Variants in ANGEL1 observed in about 807,000 individuals in gnomAD.
ANGEL1 encodes the protein RNA 2',3'-cyclic phosphatase ANGEL1.
In ANGEL1, 62 loss-of-function variants were observed where a neutral mutation model predicts 76.4. The observed-to-expected ratio is 0.81, with a 90% CI of 0.66 to 1.00. The LOEUF is 1.00. Ranked by LOEUF, ANGEL1 falls within the 50% of genes least tolerant of loss-of-function variation. The pLI is 0.00. For synonymous variants in ANGEL1, 340 were observed against 331.7 expected, an observed-to-expected ratio of 1.03 and a Z score of -0.27; for missense variants, 737 against 836.7, an observed-to-expected ratio of 0.88 and a Z score of 1.47.
chr14:76,811,816 T>C (rs931615729), intron 1 of ANGEL1, among the ~76,000 whole-genome samples: 5 of 152,190 alleles, frequency 3.3e-5, no homozygotes, highest in Non-Finnish European at 4.4e-5. Flanking sequence ...CTCCTGAAGT[T>C]TGCATTCTAA....
chr14:76,797,554 C>T (rs1044403487), intron 7 of ANGEL1, among the ~76,000 whole-genome samples: 2 of 152,046 alleles, frequency 1.3e-5, no homozygotes, highest in Admixed American at 6.6e-5. Context: ...GAGCTGAGAT[C>T]GCGCCAATGC....
intron 2 of ANGEL1, 35 bp from the exon 3 acceptor site, chr14:76,808,183 T>A (rs1313707932): frequency 1.9e-6 from 3 of 1,580,796 alleles, no homozygotes; most frequent in Non-Finnish European, 2.6e-6. Context: ...CAATGGCAAG[T>A]ATGAGTAATG....
At chr14:76,796,646 A>G (rs963168888) in intron 7 of ANGEL1, among the ~76,000 whole-genome samples, 5 of 152,180 alleles carry the variant, frequency 3.3e-5, no homozygotes, top group African/African-American at 1.2e-4. Flanking sequence ...TTAAAAAGAA[A>G]ATGTCTTCTC....
At position 76,790,686 on chromosome 14, in the gene ANGEL1, T is replaced by C. The variant is rs145760412; in HGVS notation, c.1777A>G (p.Met593Val). ...PQRGRPEVTT[M>V]PLGLGMTVDY... ...ACTGTCATTCCAAGACCCAATGGCA[T>C]TGTAGTGACCTCTGGGCGGCCACGC... is the stretch of plus-strand genomic sequence containing the variant. Residue 593 changes from methionine (M) to valine (V), a missense_variant, in exon 9 of 10, where the codon ATG becomes GTG. Transcript: ENST00000251089. 5.6e-6 allele frequency: 9 copies of C among 1,614,038 alleles called. No individual in the cohort carries two copies. In the African/African-American group the frequency reaches 1.2e-4, roughly 22 times the overall value.
chr14:76,806,739 G>T lies in ANGEL1; in HGVS notation c.1057C>A (p.Arg353=). The change falls in exon 5 of 10, where the codon CGG becomes AGG. Residue 353 remains arginine (R), a synonymous_variant. Coordinates refer to ENST00000251089, the MANE Select transcript of ANGEL1 (RefSeq NM_015305.4). ...LLCASPVEYF[R]PGLELLNRDN... ...CGATTAAGTAGCTCCAAGCCAGGCC[G>T]GAAGTACTCCACAGGGCTAGCACAG... 1.2e-6 allele frequency: 2 copies of T among 1,614,148 alleles called. No individual in the cohort carries two copies. The highest frequency in any genetic ancestry group is 2.2e-5 in the South Asian group (2 of 91,080).
At position 76,808,111 on chromosome 14, in the gene ANGEL1, C is replaced by G. The variant is rs75566328; in HGVS notation, c.687G>C (p.Gln229His). 2.7e-4 allele frequency: 433 copies of G among 1,613,862 alleles called. 1 individual carries two copies. In the African/African-American group the frequency reaches 5.2e-3, roughly 20 times the overall value. The part of the protein sequence containing the change: ...LWREWEDFST[Q>H]PDAQGLKAGD... ...CTGCCTTCAGGCCCTGAGCATCTGG[C>G]TGGGTGGAGAAATCCTCCCATTCTC... Residue 229 changes from glutamine (Q) to histidine (H), a missense_variant, in exon 3 of 10, where the codon CAG becomes CAC. Coordinates refer to ENST00000251089, the MANE Select transcript of ANGEL1 (RefSeq NM_015305.4).
chr14:76,808,542 T>C (rs896589455), intron 2 of ANGEL1, among the ~76,000 whole-genome samples: 13 of 152,202 alleles, frequency 8.5e-5, no homozygotes, highest in African/African-American at 3.1e-4. Flanking sequence ...CCCCTAAACC[T>C]GGAAGAGTCT....
At position 76,803,582 on chromosome 14, in the gene ANGEL1, A is replaced by G. The variant is rs79597827; in HGVS notation, c.1508-101T>C. 2,821 of 1,354,466 alleles carry G rather than the reference A, an allele frequency of 2.1e-3. 40 individuals are homozygous for G. In the African/African-American group the frequency reaches 0.036, roughly 17 times the overall value. 83.9% of individuals were successfully genotyped at this position (1,354,466 alleles called of 1,614,324 possible). On this transcript the variant is annotated intron_variant, in intron 6 of 9. Transcript: ENST00000251089. ...ACTTCCAGCATAGGTACACAGAGGA[A>G]GCATTCAGAAGACAAGGAGATTTTC... is the stretch of plus-strand genomic sequence containing the variant.
rs1894262613 is a variant in ANGEL1 at position 76,786,372 on chromosome 14, G to A, written c.*2856C>T. 1 of 152,128 alleles carries A rather than the reference G, an allele frequency of 6.6e-6. No homozygotes were observed. The highest frequency in any genetic ancestry group is 1.5e-5 in the Non-Finnish European group (1 of 68,066). The allele number at this position is 152,128 out of a possible 1,614,324, so 9.4% of individuals were successfully genotyped here. A position where few individuals can be genotyped will look rare whatever the true frequency, so the allele number is the denominator to read the frequency against. On this transcript the variant is annotated 3_prime_UTR_variant, in exon 10 of 10. Coordinates refer to ENST00000251089, the MANE Select transcript of ANGEL1 (RefSeq NM_015305.4). ...AGACGGGATTTCTTCATGTTGGTCA[G>A]GCTGGTCTGGAACTCTCGACCTCAG...
intron 7 of ANGEL1, among the ~76,000 whole-genome samples, chr14:76,796,666 T>C (rs1894587841): frequency 6.6e-6 from 1 of 152,208 alleles, no homozygotes; most frequent in African/African-American, 2.4e-5. Context: ...CTGCTGTCAA[T>C]GTTCGGTGTT....
In ANGEL1 at chr14:76,803,772, T is replaced by G; in HGVS notation, c.1507+14A>C. ...ATGAAGACACAGCCAACCAAGAATG[T>G]GACATGTGCTCACCTGATCTCTTGG... is the stretch of plus-strand genomic sequence containing the variant. On this transcript the variant is annotated intron_variant, in intron 6 of 9. Transcript: ENST00000251089. The G allele has an allele frequency of 6.3e-7, 1 of 1,587,404 alleles. No individual in the cohort carries two copies. Among genetic ancestry groups the G allele is most frequent in the Non-Finnish European group, 8.6e-7 (1 of 1,165,434 alleles).
intron 1 of ANGEL1, 44 bp downstream of exon 1, chr14:76,812,720 G>A (rs1369991360): frequency 6.7e-7 from 1 of 1,486,148 alleles, no homozygotes; most frequent in Non-Finnish European, 8.9e-7. Flanking sequence ...CCGCAGAGGC[G>A]AGCCCTGGCC....
At chr14:76,812,500 C>T (rs918871818) in intron 1 of ANGEL1, 8 of 1,234,094 alleles carry the variant, frequency 6.5e-6, no homozygotes, top group Non-Finnish European at 8.1e-6. Flanking sequence ...TCCACAGCTC[C>T]TCTCCACCTT....
At chr14:76,789,515 C>A in intron 9 of ANGEL1, 127 bp from the exon 10 acceptor site, 2 of 1,001,688 alleles carry the variant, frequency 2.0e-6, no homozygotes. Flanking sequence ...CTGCCCCTCA[C>A]CTCCTCTTGC....
At chr14:76,803,944 A>C in intron 5 of ANGEL1, 32 bp from the exon 6 acceptor site, 1 of 1,614,204 alleles carries the variant, frequency 6.2e-7, no homozygotes, top group Non-Finnish European at 8.5e-7. Context: ...GGAATAAGGA[A>C]ACCAAGATAG....
rs1566699584 is a variant in ANGEL1 at position 76,803,469 on chromosome 14, T to C, written c.1520A>G (p.Tyr507Cys). The C allele has an allele frequency of 2.5e-6, 4 of 1,614,194 alleles. No homozygotes were observed. Among genetic ancestry groups the C allele is most frequent in the Non-Finnish European group, 3.4e-6 (4 of 1,180,010 alleles). The change falls in exon 7 of 10, where the codon TAT becomes TGT. Residue 507 changes from tyrosine to cysteine, a missense_variant. Tyr to Cys is a radical substitution (Grantham distance 194, BLOSUM62 -2). This residue lies in a region of ANGEL1 where 296 missense variants were observed against 387.2 expected (regional missense o/e 0.76). Coordinates refer to ENST00000251089, the MANE Select transcript of ANGEL1 (RefSeq NM_015305.4). ...GAAACGTAGCAGGAAGTCTCGGCCA[T>C]ACTTGCGTCTCTCTGTAAACCAGGA... is the stretch of plus-strand genomic sequence containing the variant. Reference protein sequence around the residue: ...CHPKRSERRKYGRDFLLRFRF... With the variant: ...CHPKRSERRKCGRDFLLRFRF...
chr14:76,790,113 C>G (rs544755921), intron 9 of ANGEL1, among the ~76,000 whole-genome samples: 53 of 152,258 alleles, frequency 3.5e-4, no homozygotes, highest in Admixed American at 8.5e-4. Context: ...CTACCCACCT[C>G]GGCCTCCCAG....
intron 5 of ANGEL1, among the ~76,000 whole-genome samples, chr14:76,805,503 C>T (rs937853274): frequency 2.0e-5 from 3 of 152,194 alleles, no homozygotes; most frequent in Admixed American, 6.5e-5. Context: ...CACCATTGTG[C>T]CTTGCCAAAA....
chr14:76,805,052 T>TAAATAAAA (rs1555361503), intron 5 of ANGEL1, among the ~76,000 whole-genome samples: 23 of 148,608 alleles, frequency 1.5e-4, no homozygotes, highest in African/African-American at 5.0e-4. Context: ...AATAAATAAA[T>TAAATAAAA]AAAATGGGAT....
Sources: gnomAD v4.1 joint callset for allele counts (sites outside exome capture counted in the v4.1 genomes callset) on GRCh38, gnomAD v4.1.1 for gene constraint, gnomAD v4.1.1 regional missense constraint, MANE v1.5 for transcripts, NCBI Gene and HGNC (gene_info 2026-07-23, HGNC 2026-07-21) for gene names.